EYS: variants seen among roughly 807,000 people sequenced by gnomAD.
EYS encodes the protein EGF-like photoreceptor maintenance factor.
Under a neutral mutation model 282.1 loss-of-function variants are expected in EYS, and 250 were observed. The ratio of observed to expected loss-of-function variants is 0.89; its 90% confidence interval spans 0.80 to 0.98. EYS has a LOEUF of 0.98. EYS is among the 50% of genes least tolerant of loss of function. The pLI is 0.00. For missense variants in EYS, 4,016 were observed against 3,709.0 expected (o/e 1.08, Z -2.15); for synonymous variants, 1,355 against 1,282.9 (o/e 1.06, Z -1.20).
At chr6:63,847,275 CAT>C (rs1162379135) in intron 36 of EYS, among the ~76,000 whole-genome samples, 2 of 152,170 alleles carry the variant, frequency 1.3e-5, no homozygotes, top group Non-Finnish European at 2.9e-5. Context: ...TGTGGGAAAA[CAT>C]GTAGATTTTG....
chr6:63,871,763 C>T (rs1468134245), intron 35 of EYS, among the ~76,000 whole-genome samples: 1 of 152,176 alleles, frequency 6.6e-6, no homozygotes, highest in Admixed American at 6.5e-5. Flanking sequence ...AACACATTCC[C>T]TTTGCCAACT....
At chr6:63,894,371 T>C (rs1444323461) in intron 35 of EYS, among the ~76,000 whole-genome samples, 1 of 151,966 alleles carries the variant, frequency 6.6e-6, no homozygotes, top group Non-Finnish European at 1.5e-5. Context: ...TACAGAGACG[T>C]CCATGTGAAG....
intron 21 of EYS, among the ~76,000 whole-genome samples, chr6:64,818,115 T>C (rs961661368): frequency 1.3e-5 from 2 of 152,182 alleles, no homozygotes; most frequent in South Asian, 2.1e-4. Flanking sequence ...ACTGCTTCCA[T>C]GTAAATATAC....
intron 31 of EYS, among the ~76,000 whole-genome samples, chr6:64,105,630 T>C (rs1772984634): frequency 6.6e-6 from 1 of 152,088 alleles, no homozygotes; most frequent in Non-Finnish European, 1.5e-5. Context: ...CCACTAATCT[T>C]TTCTCTTTCA....
intron 36 of EYS, among the ~76,000 whole-genome samples, chr6:63,847,328 A>C (rs1015385036): frequency 1.3e-5 from 2 of 152,304 alleles, no homozygotes; most frequent in East Asian, 3.9e-4. Context: ...GTACACATGA[A>C]GTCAGAATTT....
chr6:65,011,063 C>T (rs1266344567), intron 13 of EYS, among the ~76,000 whole-genome samples: 1 of 152,166 alleles, frequency 6.6e-6, no homozygotes. Flanking sequence ...AACCAAGCCC[C>T]AATACTCAGC....
chr6:64,773,790 G>A (rs986956959), intron 22 of EYS, among the ~76,000 whole-genome samples: 12 of 151,930 alleles, frequency 7.9e-5, no homozygotes, highest in African/African-American at 2.9e-4. Context: ...AAAAGTGTCT[G>A]TTCATGTCCT....
intron 8 of EYS, among the ~76,000 whole-genome samples, chr6:65,370,664 T>C (rs1765109189): frequency 6.6e-6 from 1 of 151,910 alleles, no homozygotes; most frequent in Admixed American, 6.7e-5. Context: ...ATGTTCTATG[T>C]ATTGCTATAA....
chr6:64,880,150 G>A (rs942733712), intron 19 of EYS, among the ~76,000 whole-genome samples: 5 of 151,860 alleles, frequency 3.3e-5, no homozygotes, highest in East Asian at 1.9e-4. Context: ...ACACACAGGC[G>A]GAAAAAGCAA....
At chr6:64,802,630 T>C (rs1764280143) in intron 22 of EYS, among the ~76,000 whole-genome samples, 1 of 152,206 alleles carries the variant, frequency 6.6e-6, no homozygotes, top group Non-Finnish European at 1.5e-5. Flanking sequence ...CCTAAAGTGT[T>C]AGTGCAAAAT....
intron 36 of EYS, among the ~76,000 whole-genome samples, chr6:63,827,507 C>CAT (rs1658942223): frequency 6.6e-6 from 1 of 152,106 alleles, no homozygotes; most frequent in African/African-American, 2.4e-5. Context: ...CAGGAAAGAC[C>CAT]ATATGATAGA....
Position 65,602,160 on chromosome 6 carries a change from T to C in EYS, c.-333+37618A>G, listed in dbSNP as rs147014430. The stretch of plus-strand genomic sequence containing the variant: ...AATTTAAAGTATCTTGTCAATGTTT[T>C]ATATTTTCCATTCCTCCAAAACTTA... On this transcript the variant is annotated intron_variant, in intron 2 of 42. Transcript: ENST00000503581. 8.2e-4 allele frequency among the ~76,000 whole-genome samples: 125 copies of C among 152,030 alleles called. 1 individual carries two copies. Among genetic ancestry groups the C allele is most frequent in the African/African-American group, 2.7e-3 (112 of 41,522 alleles).
intron 26 of EYS, among the ~76,000 whole-genome samples, chr6:64,479,669 T>G (rs559891447): frequency 6.6e-6 from 1 of 151,942 alleles, no homozygotes; most frequent in Non-Finnish European, 1.5e-5. Flanking sequence ...TTTAAAGCAT[T>G]TTAAACCAGA....
At chr6:64,924,449 G>A (rs1490008230) in intron 15 of EYS, among the ~76,000 whole-genome samples, 1 of 152,182 alleles carries the variant, frequency 6.6e-6, no homozygotes, top group Non-Finnish European at 1.5e-5. Context: ...TTTTCCCCAT[G>A]GTCTTCGGCA....
chr6:64,286,536 A>G (rs1418576072), intron 30 of EYS, among the ~76,000 whole-genome samples: 1 of 152,178 alleles, frequency 6.6e-6, no homozygotes, highest in Non-Finnish European at 1.5e-5. Flanking sequence ...AAACAAGATC[A>G]CTTTTAGCTG....
At chr6:64,283,191 C>T (rs1768372935) in intron 30 of EYS, among the ~76,000 whole-genome samples, 1 of 152,060 alleles carries the variant, frequency 6.6e-6, no homozygotes, top group Non-Finnish European at 1.5e-5. Context: ...AAATATTGTC[C>T]TGGTCAAGTC....
At chr6:64,344,610 C>T (rs999171482) in intron 29 of EYS, among the ~76,000 whole-genome samples, 5 of 152,194 alleles carry the variant, frequency 3.3e-5, no homozygotes, top group Middle Eastern at 3.4e-3. Context: ...TGGACAAAAA[C>T]TGGAAACATT....
At chr6:65,207,361 GA>G (rs67058673) in intron 12 of EYS, among the ~76,000 whole-genome samples, 6,821 of 147,474 alleles carry the variant, frequency 0.046, 167 homozygotes, top group Middle Eastern at 0.087. Flanking sequence ...AGACACTGAT[GA>G]AAAAAAAAAA....
intron 35 of EYS, among the ~76,000 whole-genome samples, chr6:63,930,131 A>C (rs929356641): frequency 6.6e-6 from 1 of 152,040 alleles, no homozygotes; most frequent in Non-Finnish European, 1.5e-5. Context: ...TACAATTCTC[A>C]CCATAAAGAA....
Sources: allele counts gnomAD v4.1 joint callset (sites outside exome capture counted in the v4.1 genomes callset), GRCh38; gene constraint gnomAD v4.1.1; transcripts MANE v1.5; gene names NCBI Gene and HGNC (gene_info 2026-07-23, HGNC 2026-07-21).